WWTR1: variants seen among roughly 807,000 people sequenced by gnomAD.
WWTR1 encodes the protein WW domain-containing transcription regulator protein 1.
A neutral mutation model predicts 40.1 loss-of-function variants in WWTR1; 13 were observed. The ratio of observed to expected loss-of-function variants is 0.32; its 90% confidence interval spans 0.21 to 0.52. The LOEUF (loss-of-function observed/expected upper bound fraction) is 0.52, where lower values mean the gene tolerates loss of function less well. Among genes scored for constraint, WWTR1 ranks in the 20% least tolerant of loss-of-function variants. The pLI, the probability that WWTR1 is intolerant of heterozygous loss-of-function variation, is 0.97. For synonymous variants in WWTR1, 230 were observed against 210.1 expected (o/e 1.09, Z -0.82); for missense variants, 436 against 523.1 (o/e 0.83, Z 1.63).
chr3:149,540,997 T>A (rs1311613756), intron 4 of WWTR1: 2 of 454,838 alleles, frequency 4.4e-6, no homozygotes, highest in African/African-American at 2.0e-5. Context: ...AATGTAGCTT[T>A]AAAAAAACAG....
intron 3 of WWTR1, among the ~76,000 whole-genome samples, chr3:149,549,716 G>T (rs374052913): frequency 6.6e-6 from 1 of 152,092 alleles, no homozygotes; most frequent in African/African-American, 2.4e-5. Flanking sequence ...GCATGCATTC[G>T]TGGTCCCAGC....
intron 3 of WWTR1, among the ~76,000 whole-genome samples, chr3:149,565,420 T>A (rs1737269200): frequency 6.6e-6 from 1 of 152,018 alleles, no homozygotes; most frequent in Admixed American, 6.6e-5. Flanking sequence ...ATAAAACCTA[T>A]AAGTCTCCAT....
chr3:149,580,530 C>T (rs963379905), intron 2 of WWTR1, among the ~76,000 whole-genome samples: 2 of 152,216 alleles, frequency 1.3e-5, no homozygotes, highest in African/African-American at 2.4e-5. Flanking sequence ...GAAGCCCCAT[C>T]GCAGTGGATG....
intron 1 of WWTR1, among the ~76,000 whole-genome samples, chr3:149,693,404 C>A (rs35957818): frequency 6.6e-6 from 1 of 151,950 alleles, no homozygotes; most frequent in Non-Finnish European, 1.5e-5. Context: ...GCCTACACTA[C>A]GCAAAGCAAT....
At chr3:149,623,999 A>G (rs1327217872) in intron 2 of WWTR1, among the ~76,000 whole-genome samples, 4 of 152,092 alleles carry the variant, frequency 2.6e-5, no homozygotes, top group Non-Finnish European at 5.9e-5. Flanking sequence ...CTCTGTGGAG[A>G]AAGTATGTGG....
At chr3:149,563,332 C>T (rs1199886502) in intron 3 of WWTR1, among the ~76,000 whole-genome samples, 2 of 152,178 alleles carry the variant, frequency 1.3e-5, no homozygotes, top group East Asian at 1.9e-4. Flanking sequence ...ACGGTTTAGG[C>T]TTACGAAGGC....
At chr3:149,533,021 C>G (rs1157823652) in intron 4 of WWTR1, among the ~76,000 whole-genome samples, 9 of 152,246 alleles carry the variant, frequency 5.9e-5, no homozygotes, top group Admixed American at 4.6e-4. Flanking sequence ...CCTTCCTCTG[C>G]TCCCTCTAGT....
At chr3:149,685,690 C>T (rs971017872) in intron 1 of WWTR1, among the ~76,000 whole-genome samples, 5 of 152,196 alleles carry the variant, frequency 3.3e-5, no homozygotes, top group Non-Finnish European at 7.3e-5. Flanking sequence ...AATTCCTCCT[C>T]ATTAAAGTTC....
At chr3:149,621,501 T>C (rs1483342397) in intron 2 of WWTR1, among the ~76,000 whole-genome samples, 2 of 152,140 alleles carry the variant, frequency 1.3e-5, no homozygotes, top group Non-Finnish European at 2.9e-5. Flanking sequence ...TCAGGACTAT[T>C]TGGAGACCAG....
At chr3:149,656,395 C>G (rs1713205892) in intron 2 of WWTR1, among the ~76,000 whole-genome samples, 1 of 152,104 alleles carries the variant, frequency 6.6e-6, no homozygotes, top group African/African-American at 2.4e-5. Context: ...CCACTGTTCA[C>G]TTTTCCAGCT....
At chr3:149,644,920 T>G (rs1341784505) in intron 2 of WWTR1, among the ~76,000 whole-genome samples, 1 of 152,074 alleles carries the variant, frequency 6.6e-6, no homozygotes, top group Non-Finnish European at 1.5e-5. Flanking sequence ...TGGCCTGATC[T>G]CAGCTCACTC....
chr3:149,579,841 C>T (rs1738060124), intron 2 of WWTR1, among the ~76,000 whole-genome samples: 1 of 152,164 alleles, frequency 6.6e-6, no homozygotes, highest in African/African-American at 2.4e-5. Flanking sequence ...CTAAATGAAA[C>T]AGCTTTGCAA....
intron 2 of WWTR1, among the ~76,000 whole-genome samples, chr3:149,619,222 C>T (rs184900580): frequency 6.6e-6 from 1 of 152,092 alleles, no homozygotes; most frequent in East Asian, 1.9e-4. Flanking sequence ...TATGAGGAGC[C>T]CCCTGAAACT....
Position 149,542,316 on chromosome 3 carries a change from A to T in WWTR1, c.771+19T>A. The T allele has an allele frequency of 1.2e-6, 2 of 1,608,214 alleles. No individual in the cohort carries two copies. Among genetic ancestry groups the T allele is most frequent in the South Asian group, 1.1e-5 (1 of 90,210 alleles). On this transcript the variant is annotated intron_variant, in intron 4 of 6. Transcript: ENST00000360632. ...ACCAAGGCCAGGGAGCCTCCACCAG[A>T]CACCATGGAAAGCCATACCTGCCTC...
At chr3:149,645,516 AAG>A (rs1712468053) in intron 2 of WWTR1, among the ~76,000 whole-genome samples, 1 of 152,226 alleles carries the variant, frequency 6.6e-6, no homozygotes, top group Non-Finnish European at 1.5e-5. Context: ...ACTTTTTGGT[AAG>A]AGTATGTATT....
chr3:149,563,713 A>G (rs1433069050), intron 3 of WWTR1, among the ~76,000 whole-genome samples: 3 of 152,156 alleles, frequency 2.0e-5, no homozygotes, highest in Non-Finnish European at 2.9e-5. Context: ...GCATTTTCCC[A>G]TCACTGTGCT....
intron 2 of WWTR1, among the ~76,000 whole-genome samples, chr3:149,651,797 T>G (rs1712881627): frequency 6.6e-6 from 1 of 151,808 alleles, no homozygotes. Flanking sequence ...TTTCACAGAA[T>G]TGTAGTCATG....
intron 2 of WWTR1, among the ~76,000 whole-genome samples, chr3:149,588,736 C>T (rs1161970874): frequency 6.6e-6 from 1 of 152,096 alleles, no homozygotes; most frequent in Non-Finnish European, 1.5e-5. Context: ...TATCCTCCCC[C>T]CAAAATGAAC....
intron 2 of WWTR1, among the ~76,000 whole-genome samples, chr3:149,620,562 G>GCCC (rs11391436): frequency 7.4e-5 from 7 of 94,922 alleles, no homozygotes; most frequent in Admixed American, 4.5e-4. Flanking sequence ...CTCCTCCACC[G>GCCC]CTCCCCCCCA....
Sources: allele counts gnomAD v4.1 joint callset (sites outside exome capture counted in the v4.1 genomes callset), GRCh38; gene constraint gnomAD v4.1.1; transcripts MANE v1.5; gene names NCBI Gene and HGNC (gene_info 2026-07-23, HGNC 2026-07-21).